Variants in XIRP2 observed in about 807,000 individuals in gnomAD.
XIRP2 encodes xin actin-binding repeat-containing protein 2.
In XIRP2, 236 loss-of-function variants were observed where a neutral mutation model predicts 277.0. The observed-to-expected ratio is 0.85, with a 90% CI of 0.77 to 0.95. XIRP2 has a LOEUF of 0.95. Ranked by LOEUF, XIRP2 falls within the 40% of genes least tolerant of loss-of-function variation. The pLI, the probability that XIRP2 is intolerant of heterozygous loss-of-function variation, is 0.00. For missense variants in XIRP2, 4,640 were observed against 4,157.5 expected, an observed-to-expected ratio of 1.12 and a Z score of -3.19; for synonymous variants, 1,490 against 1,416.5, an observed-to-expected ratio of 1.05 and a Z score of -1.17.
At chr2:167,038,542 G>T (rs1688576937) in intron 2 of XIRP2, among the ~76,000 whole-genome samples, 1 of 150,792 alleles carries the variant, frequency 6.6e-6, no homozygotes, top group Non-Finnish European at 1.5e-5. Context: ...CTTAGTTCTG[G>T]GATTTTTTTT....
intron 2 of XIRP2, among the ~76,000 whole-genome samples, chr2:167,058,667 T>A (rs1160266848): frequency 6.6e-6 from 1 of 152,150 alleles, no homozygotes; most frequent in Non-Finnish European, 1.5e-5. Context: ...GGCTGCTTGA[T>A]TTCAAGAAGG....
At chr2:166,994,744 T>G (rs1276915785) in intron 2 of XIRP2, among the ~76,000 whole-genome samples, 1 of 151,862 alleles carries the variant, frequency 6.6e-6, no homozygotes. Context: ...GTTAATAGTA[T>G]TATGTCAGTG....
chr2:167,088,679 G>T (rs561268313), intron 2 of XIRP2, among the ~76,000 whole-genome samples: 5 of 152,226 alleles, frequency 3.3e-5, no homozygotes, highest in African/African-American at 1.2e-4. Flanking sequence ...TTGTGCCCCA[G>T]GCATACTGGC....
At chr2:166,972,615 C>T (rs773991241) in intron 2 of XIRP2, among the ~76,000 whole-genome samples, 2 of 152,136 alleles carry the variant, frequency 1.3e-5, no homozygotes, top group Non-Finnish European at 2.9e-5. Context: ...TAAGAACAAA[C>T]ACAGATAGTA....
chr2:167,068,281 T>G (rs7583143), intron 2 of XIRP2, among the ~76,000 whole-genome samples: 5,056 of 152,254 alleles, frequency 0.033, 143 homozygotes, highest in African/African-American at 0.077. Context: ...ACAACTCTAT[T>G]TTTCCTTCTA....
intron 2 of XIRP2, among the ~76,000 whole-genome samples, chr2:167,003,879 C>A (rs1208576521): frequency 6.6e-6 from 1 of 151,846 alleles, no homozygotes; most frequent in East Asian, 1.9e-4. Flanking sequence ...CTGATAACAT[C>A]TTTATCCATC....
chr2:166,908,672 A>G (rs546723215), intron 2 of XIRP2, among the ~76,000 whole-genome samples: 8 of 152,138 alleles, frequency 5.3e-5, no homozygotes, highest in African/African-American at 1.7e-4. Flanking sequence ...TTGGTGTTTT[A>G]GACATGAAGT....
At chr2:167,045,383 A>C (rs1310079010) in intron 2 of XIRP2, among the ~76,000 whole-genome samples, 1 of 152,168 alleles carries the variant, frequency 6.6e-6, no homozygotes, top group African/African-American at 2.4e-5. Context: ...CAATTGCAAC[A>C]AAAACAAAAA....
intron 2 of XIRP2, among the ~76,000 whole-genome samples, chr2:166,923,998 G>T (rs1302899020): frequency 6.6e-6 from 1 of 151,946 alleles, no homozygotes; most frequent in Non-Finnish European, 1.5e-5. Context: ...ACATGATATG[G>T]CTCAGCAGGT....
intron 4 of XIRP2, among the ~76,000 whole-genome samples, chr2:167,215,270 A>G (rs573855485): frequency 2.0e-5 from 3 of 152,136 alleles, no homozygotes. Flanking sequence ...ATTGATTAAG[A>G]TTTGCATTTA....
chr2:167,233,011 T>C (rs748717691), intron 5 of XIRP2, among the ~76,000 whole-genome samples: 6 of 151,954 alleles, frequency 3.9e-5, no homozygotes, highest in Non-Finnish European at 8.8e-5. Context: ...ACAAGTGCAA[T>C]GTGTCCAATT....
intron 5 of XIRP2, among the ~76,000 whole-genome samples, chr2:167,228,246 G>A (rs1420970381): frequency 6.6e-6 from 1 of 152,160 alleles, no homozygotes; most frequent in Non-Finnish European, 1.5e-5. Flanking sequence ...GTTGCTAACT[G>A]TCTGCTGAGG....
At position 167,171,485 on chromosome 2, in the gene XIRP2, A is replaced by G. The variant is rs367679699; in HGVS notation, c.562+35423A>G. ...AATTACTAGTTTGCTATATATATAGATGGTTTTTTAATAATAATTATTTTA... is the reference window on the plus strand; with the variant it reads ...AATTACTAGTTTGCTATATATATAGGTGGTTTTTTAATAATAATTATTTTA... On this transcript the variant is annotated intron_variant, in intron 3 of 10. Coordinates refer to ENST00000409195, the MANE Select transcript of XIRP2 (RefSeq NM_152381.6). Among the ~76,000 whole-genome samples the G allele has an allele frequency of 2.6e-4, 39 of 152,258 alleles. 1 individual carries two copies. The South Asian group carries it at 8.1e-3, about 32-fold the overall frequency.
intron 3 of XIRP2, among the ~76,000 whole-genome samples, chr2:167,144,085 ATTTCTTT>A (rs1691799453): frequency 6.6e-6 from 1 of 152,046 alleles, no homozygotes; most frequent in African/African-American, 2.4e-5. Context: ...CTAACTTCTT[ATTTCTTT>A]TTAATGTAGT....
intron 2 of XIRP2, among the ~76,000 whole-genome samples, chr2:167,025,676 A>T (rs949589360): frequency 6.6e-6 from 1 of 152,092 alleles, no homozygotes; most frequent in Non-Finnish European, 1.5e-5. Flanking sequence ...ATTGGTTTCA[A>T]AGAACATCTT....
intron 4 of XIRP2, among the ~76,000 whole-genome samples, chr2:167,214,601 C>T (rs1240882048): frequency 6.6e-6 from 1 of 151,738 alleles, no homozygotes; most frequent in East Asian, 1.9e-4. Context: ...GAGTCTTGCT[C>T]TGCTGCTCAG....
intron 3 of XIRP2, among the ~76,000 whole-genome samples, chr2:167,155,437 T>C (rs62197389): frequency 3.0e-4 from 46 of 152,152 alleles, no homozygotes; most frequent in Admixed American, 1.2e-3. Context: ...CAAGGCTGGT[T>C]CAATATATGC....
At chr2:166,961,997 G>A (rs761964716) in intron 2 of XIRP2, among the ~76,000 whole-genome samples, 3 of 151,664 alleles carry the variant, frequency 2.0e-5, no homozygotes, top group Non-Finnish European at 3.0e-5. Context: ...GTACCTGAAT[G>A]AAGATCGGAA....
intron 5 of XIRP2, among the ~76,000 whole-genome samples, chr2:167,220,544 T>C (rs1389753205): frequency 1.3e-5 from 2 of 152,230 alleles, no homozygotes; most frequent in Non-Finnish European, 2.9e-5. Context: ...TTCTTCTTCT[T>C]AACCTCTCAG....
Sources: gnomAD v4.1 joint callset for allele counts (sites outside exome capture counted in the v4.1 genomes callset) on GRCh38, gnomAD v4.1.1 for gene constraint, MANE v1.5 for transcripts, NCBI Gene and HGNC (gene_info 2026-07-23, HGNC 2026-07-21) for gene names.